The following RNF217 variants were observed in gnomAD, a reference collection of about 807,000 sequenced individuals.
RNF217 encodes the protein E3 ubiquitin-protein ligase RNF217.
A neutral mutation model predicts 57.8 loss-of-function variants in RNF217; 31 were observed. The observed-to-expected ratio is 0.54, with a 90% CI of 0.40 to 0.72. The LOEUF is 0.72. RNF217 is among the 30% of genes least tolerant of loss of function. The probability of loss-of-function intolerance (pLI) is 0.00; values close to 1 mark genes in which losing one functional copy is unlikely to be tolerated. For missense variants in RNF217, 696 were observed against 708.3 expected, an observed-to-expected ratio of 0.98 and a Z score of 0.20; for synonymous variants, 313 against 294.0, an observed-to-expected ratio of 1.06 and a Z score of -0.66.
At chr6:125,015,953 C>G (rs1785587297) in intron 1 of RNF217, among the ~76,000 whole-genome samples, 1 of 152,054 alleles carries the variant, frequency 6.6e-6, no homozygotes, top group Non-Finnish European at 1.5e-5. Flanking sequence ...ATAAGTAGAT[C>G]TTAAAAAATG....
intron 3 of RNF217, among the ~76,000 whole-genome samples, chr6:125,066,057 C>T (rs1212966842): frequency 6.6e-6 from 1 of 152,110 alleles, no homozygotes; most frequent in African/African-American, 2.4e-5. Flanking sequence ...CTTTCATTTC[C>T]CATGTCTGGT....
At chr6:125,080,295 T>C (rs1788525976) in intron 4 of RNF217, among the ~76,000 whole-genome samples, 1 of 152,152 alleles carries the variant, frequency 6.6e-6, no homozygotes, top group African/African-American at 2.4e-5. Context: ...GACATGGTGC[T>C]AATGGAATGG....
At chr6:125,037,907 C>G (rs1303338442) in intron 1 of RNF217, among the ~76,000 whole-genome samples, 2 of 152,118 alleles carry the variant, frequency 1.3e-5, no homozygotes, top group Non-Finnish European at 2.9e-5. Flanking sequence ...ACACTTACAA[C>G]CATGATCAGA....
At chr6:124,977,913 T>C (rs1002699282) in intron 1 of RNF217, among the ~76,000 whole-genome samples, 1 of 152,184 alleles carries the variant, frequency 6.6e-6, no homozygotes, top group East Asian at 1.9e-4. Context: ...TTCCTTCTTT[T>C]TACTGTGGTC....
intron 1 of RNF217, among the ~76,000 whole-genome samples, chr6:125,014,883 T>C (rs1785546589): frequency 6.6e-6 from 1 of 152,180 alleles, no homozygotes; most frequent in African/African-American, 2.4e-5. Flanking sequence ...GACTGAACTT[T>C]TGAGCAAACC....
intron 1 of RNF217, among the ~76,000 whole-genome samples, chr6:124,982,337 A>T (rs1413594): frequency 1.3e-5 from 2 of 152,040 alleles, no homozygotes; most frequent in African/African-American, 4.8e-5. Context: ...TTAATTTTTG[A>T]ATCATGACAG....
chr6:125,072,914 G>A (rs1788205250), intron 3 of RNF217, among the ~76,000 whole-genome samples: 1 of 152,148 alleles, frequency 6.6e-6, no homozygotes, highest in Non-Finnish European at 1.5e-5. Context: ...TTACTTTTCT[G>A]AACTCTGTTT....
At chr6:125,000,281 A>G (rs909903182) in intron 1 of RNF217, among the ~76,000 whole-genome samples, 1 of 152,132 alleles carries the variant, frequency 6.6e-6, no homozygotes, top group Non-Finnish European at 1.5e-5. Context: ...TGGTATTATA[A>G]CATGAATTAT....
rs762528331 is a variant in RNF217 at position 125,045,224 on chromosome 6, A to T, written c.896A>T (p.Gln299Leu). 5.6e-6 allele frequency: 9 copies of T among 1,612,154 alleles called. No homozygotes were observed. The South Asian group carries it at 9.9e-5, about 18-fold the overall frequency. ...TCCATCATGCAGGTACAACTTGGCC[A>T]AGTAGAAATCAAATGCCCCATCACA... is the stretch of plus-strand genomic sequence containing the variant. ...VYLSAQVQLG[Q>L]VEIKCPITEC... Residue 299 changes from glutamine to leucine, a missense_variant, in exon 2 of 6, where the codon CAA (glutamine) becomes CTA (leucine). By Grantham distance (113) the Gln-to-Leu change is moderately radical. Transcript: ENST00000521654.
In RNF217 at chr6:125,021,478, G is replaced by GCC. The variant is rs1166824806; in HGVS notation, c.883-23732_883-23731insCC. Among the ~76,000 whole-genome samples the GCC allele has an allele frequency of 2.0e-5, 3 of 152,070 alleles. No homozygotes were observed. The East Asian group carries it at 5.8e-4, about 30-fold the overall frequency. On this transcript the variant is annotated intron_variant, in intron 1 of 5. Coordinates refer to ENST00000521654, the MANE Select transcript of RNF217 (RefSeq NM_001286398.3). Reference sequence around the variant, plus strand: ...GACGGGGTTTCACCATCTTGGCCAGGCTGGTCTTGAACTCCTGACCTCGTG... The same window carrying GCC: ...GACGGGGTTTCACCATCTTGGCCAGGCCCTGGTCTTGAACTCCTGACCTCGTG...
intron 2 of RNF217, among the ~76,000 whole-genome samples, chr6:125,054,643 A>C (rs534978175): frequency 6.6e-6 from 1 of 152,212 alleles, no homozygotes; most frequent in Non-Finnish European, 1.5e-5. Flanking sequence ...GCAGCTTGCC[A>C]ACTAGTGGAT....
At chr6:125,013,002 A>G (rs1476275180) in intron 1 of RNF217, among the ~76,000 whole-genome samples, 2 of 152,202 alleles carry the variant, frequency 1.3e-5, no homozygotes, top group African/African-American at 4.8e-5. Context: ...CCAGAAAGTT[A>G]GCATTTCTAT....
At chr6:125,058,281 A>G (rs957837615) in intron 3 of RNF217, among the ~76,000 whole-genome samples, 175 bp downstream of exon 3, 2 of 152,148 alleles carry the variant, frequency 1.3e-5, no homozygotes, top group African/African-American at 2.4e-5. Flanking sequence ...TTTATAAACC[A>G]TGTATATTCT....
intron 1 of RNF217, among the ~76,000 whole-genome samples, chr6:124,994,868 T>C (rs1037305534): frequency 4.6e-5 from 7 of 152,166 alleles, no homozygotes; most frequent in African/African-American, 1.7e-4. Context: ...GCTCTGGGAT[T>C]TGGAGCTTAC....
intron 1 of RNF217, among the ~76,000 whole-genome samples, chr6:125,031,086 C>T (rs11154287): frequency 0.29 from 43,799 of 152,180 alleles, 6,939 homozygotes; most frequent in East Asian, 0.42. Context: ...TCTGAAGCCA[C>T]AGCCCGAGCT....
At chr6:125,058,959 A>G (rs1340725878) in intron 3 of RNF217, among the ~76,000 whole-genome samples, 1 of 152,226 alleles carries the variant, frequency 6.6e-6, no homozygotes, top group Non-Finnish European at 1.5e-5. Context: ...CAATTCTGCA[A>G]TTACTTCTTG....
intron 1 of RNF217, among the ~76,000 whole-genome samples, chr6:124,992,349 T>G (rs768794979): frequency 6.6e-6 from 1 of 152,174 alleles, no homozygotes; most frequent in African/African-American, 2.4e-5. Flanking sequence ...AAAACATGTT[T>G]TCTATTCCCA....
chr6:125,081,498 G>A lies in RNF217; in HGVS notation c.1546G>A (p.Val516Ile). The A allele has an allele frequency of 6.2e-7, 1 of 1,610,138 alleles. No homozygotes were observed. The highest frequency in any genetic ancestry group is 2.2e-5 in the East Asian group (1 of 44,770). ...GGGATTGGCACTAGGGGCCATAGCG[G>A]TTGTAATCGGTAAGAAACACTTCAT... is the stretch of plus-strand genomic sequence containing the variant. The part of the protein sequence containing the change: ...VLGLALGAIA[V>I]VIGLFVFPIY... The change falls in exon 5 of 6, where the codon GTT becomes ATT. Residue 516 changes from valine (V) to isoleucine (I), a missense_variant. Coordinates refer to ENST00000521654, the MANE Select transcript of RNF217 (RefSeq NM_001286398.3).
At chr6:125,064,183 G>A (rs561935881) in intron 3 of RNF217, among the ~76,000 whole-genome samples, 2 of 152,114 alleles carry the variant, frequency 1.3e-5, no homozygotes, top group Admixed American at 6.6e-5. Flanking sequence ...TTCAGAGGCT[G>A]ACTACTTTCA....
Sources: allele counts gnomAD v4.1 joint callset (sites outside exome capture counted in the v4.1 genomes callset), GRCh38; gene constraint gnomAD v4.1.1; transcripts MANE v1.5; gene names NCBI Gene and HGNC (gene_info 2026-07-23, HGNC 2026-07-21).